The following TNFRSF8 variants were observed in gnomAD, a reference collection of about 807,000 sequenced individuals.
TNFRSF8 encodes the protein tumor necrosis factor receptor superfamily member 8.
In TNFRSF8, 26 loss-of-function variants were observed where a neutral mutation model predicts 70.8. The observed-to-expected ratio is 0.37, with a 90% confidence interval of 0.27 to 0.51. The LOEUF is 0.51. TNFRSF8 is among the 20% of genes least tolerant of loss of function. TNFRSF8 has a pLI of 0.94. For missense variants in TNFRSF8, 720 were observed against 807.9 expected (o/e 0.89, Z 1.32); for synonymous variants, 356 against 339.2 (o/e 1.05, Z -0.54).
At chr1:12,094,058 CAA>C (rs778868213) in intron 2 of TNFRSF8, among the ~76,000 whole-genome samples, 1,352 of 84,642 alleles carry the variant, frequency 0.016, 16 homozygotes, top group African/African-American at 0.057. Context: ...GACTTTGTCT[CAA>C]AAAAAAAAAA....
Position 12,104,547 on chromosome 1 carries a change from C to T in TNFRSF8, c.421+16C>T. On this transcript the variant is annotated intron_variant, in intron 4 of 14. Coordinates refer to ENST00000263932, the MANE Select transcript of TNFRSF8 (RefSeq NM_001243.5). Reference sequence around the variant, plus strand: ...AAGTTCCCAGGTCAGTGTCCCCACCCTTAACTCAGGACAGAGATCTATGCT... The same window carrying T: ...AAGTTCCCAGGTCAGTGTCCCCACCTTTAACTCAGGACAGAGATCTATGCT... 6.2e-7 allele frequency: 1 copy of T among 1,614,074 alleles called. No homozygotes were observed. Among genetic ancestry groups the T allele is most frequent in the Non-Finnish European group, 8.5e-7 (1 of 1,180,010 alleles).
intron 1 of TNFRSF8, among the ~76,000 whole-genome samples, chr1:12,069,735 G>T (rs996702980): frequency 1.3e-5 from 2 of 152,208 alleles, no homozygotes; most frequent in African/African-American, 4.8e-5. Flanking sequence ...TCCATGCACC[G>T]CATAGCAGGG....
chr1:12,126,194 T>G lies in TNFRSF8; in HGVS notation c.1267T>G (p.Cys423Gly). The change falls in exon 12 of 15, where the codon TGC (cysteine) becomes GGC (glycine). Residue 423 changes from cysteine (C) to glycine (G), a missense_variant. By Grantham distance (159) the Cys-to-Gly change is radical. Transcript: ENST00000263932. ...TGGTGTCGTTTCAGAGCTCCACCTG[T>G]GCTACCCGGTCCAGACCTCCCAGCC... is the stretch of plus-strand genomic sequence containing the variant. ...RKRIRQKLHL[C>G]YPVQTSQPKL... The G allele has an allele frequency of 6.2e-7, 1 of 1,614,108 alleles. No homozygotes were observed. The highest frequency in any genetic ancestry group is 2.2e-5 in the East Asian group (1 of 44,864).
Position 12,138,776 on chromosome 1 carries a change from C to T in TNFRSF8, c.1543+340C>T, listed in dbSNP as rs973469607. Among the ~76,000 whole-genome samples the T allele has an allele frequency of 3.3e-4, 50 of 152,198 alleles. No individual in the cohort carries two copies. Among genetic ancestry groups the T allele is most frequent in the Non-Finnish European group, 5.6e-4 (38 of 68,032 alleles). On this transcript the variant is annotated intron_variant, in intron 14 of 14. Transcript: ENST00000263932. The surrounding 1 kb of genome is among the most constrained non-coding windows in gnomAD (Gnocchi z 5.7). ...GACCTGCCACTTGTCTGGCGCATTC[C>T]GGGCACTGTGTAGGTGCCATCTCTT...
chr1:12,102,234 C>T (rs536278238), intron 3 of TNFRSF8, among the ~76,000 whole-genome samples: 3 of 152,152 alleles, frequency 2.0e-5, no homozygotes, highest in Non-Finnish European at 2.9e-5. Context: ...CTGAAACCCA[C>T]CTCTGAGGGC....
At chr1:12,101,515 A>G (rs1168119472) in intron 3 of TNFRSF8, among the ~76,000 whole-genome samples, 1 of 152,224 alleles carries the variant, frequency 6.6e-6, no homozygotes, top group Non-Finnish European at 1.5e-5. Context: ...ATTACATACT[A>G]TCCATAATTG....
rs1001086607 is a variant in TNFRSF8 at position 12,088,413 on chromosome 1, A to G, written c.151+3862A>G. On this transcript the variant is annotated intron_variant, in intron 2 of 14. Transcript: ENST00000263932. The surrounding 1 kb of genome is among the most constrained non-coding windows in gnomAD (Gnocchi z 4.0). ...GGAATTTGCACAAGGCCACATGCGT[A>G]TCAGTGGCTCAGCCGGGCCGTGAAC... Among the ~76,000 whole-genome samples the G allele has an allele frequency of 1.3e-5, 2 of 152,116 alleles. No individual in the cohort carries two copies. The highest frequency in any genetic ancestry group is 6.5e-5 in the Admixed American group (1 of 15,272).
At chr1:12,127,308 A>G (rs556182394) in intron 12 of TNFRSF8, among the ~76,000 whole-genome samples, 2 of 152,356 alleles carry the variant, frequency 1.3e-5, no homozygotes, top group South Asian at 4.1e-4. Flanking sequence ...GTACTCCCCC[A>G]GTGATGACCT....
At chr1:12,095,694 G>T (rs772883310) in intron 2 of TNFRSF8, among the ~76,000 whole-genome samples, 1 of 152,192 alleles carries the variant, frequency 6.6e-6, no homozygotes, top group East Asian at 1.9e-4. Flanking sequence ...ATTCTGTGCA[G>T]TGTCCACAGG....
chr1:12,071,724 C>T lies in TNFRSF8; in HGVS notation c.63+8063C>T, dbSNP rs570301356. Among the ~76,000 whole-genome samples, 9 of 152,208 alleles carry T rather than the reference C, an allele frequency of 5.9e-5. No individual in the cohort carries two copies. The South Asian group carries it at 1.0e-3, about 18-fold the overall frequency. On this transcript the variant is annotated intron_variant, in intron 1 of 14. Transcript: ENST00000263932. Reference sequence around the variant, plus strand: ...GACCACAAGCACCCGCCACCACGCCCGGCTAATTTTTGTATTTTTAGTACA... The same window carrying T: ...GACCACAAGCACCCGCCACCACGCCTGGCTAATTTTTGTATTTTTAGTACA...
intron 1 of TNFRSF8, among the ~76,000 whole-genome samples, chr1:12,083,181 G>A (rs1240329247): frequency 6.6e-6 from 1 of 152,242 alleles, no homozygotes; most frequent in African/African-American, 2.4e-5. Context: ...AGGATGTGGA[G>A]CAATTGGAAT....
chr1:12,081,578 T>C (rs1330956834), intron 1 of TNFRSF8, among the ~76,000 whole-genome samples: 1 of 151,802 alleles, frequency 6.6e-6, no homozygotes, highest in African/African-American at 2.4e-5. Context: ...GGGAGACAAC[T>C]CAAGCGCCAT....
chr1:12,134,037 C>G (rs554804378), intron 12 of TNFRSF8, among the ~76,000 whole-genome samples: 12 of 152,180 alleles, frequency 7.9e-5, no homozygotes, highest in African/African-American at 2.9e-4. Flanking sequence ...GAGACTCTGT[C>G]TCAAAAAAAG....
At position 12,144,132 on chromosome 1, in the gene TNFRSF8, T is replaced by C. The variant is rs188581929; in HGVS notation, c.*1601T>C. 2 of 152,368 alleles carry C rather than the reference T, an allele frequency of 1.3e-5. No homozygotes were observed. Among genetic ancestry groups the C allele is most frequent in the Admixed American group, 1.3e-4 (2 of 15,314 alleles). 9.4% of individuals were successfully genotyped at this position (152,368 alleles called of 1,614,324 possible). On this transcript the variant is annotated 3_prime_UTR_variant, in exon 15 of 15. Transcript: ENST00000263932. Reference sequence around the variant, plus strand: ...GGATTGACATGTTTCAACAAAATAATGCACTTCCTTACCTAGTGGCCCTTC... The same window carrying C: ...GGATTGACATGTTTCAACAAAATAACGCACTTCCTTACCTAGTGGCCCTTC...
In TNFRSF8 at chr1:12,108,096, T is replaced by TTTTTTTTTTTTTTTTG; in HGVS notation, c.422-1470_422-1469insTTTTTTTTTTTTTTTG. 6.6e-6 allele frequency among the ~76,000 whole-genome samples: 1 copy of TTTTTTTTTTTTTTTTG among 151,610 alleles called. No homozygotes were observed. Among genetic ancestry groups the TTTTTTTTTTTTTTTTG allele is most frequent in the South Asian group, 2.1e-4 (1 of 4,782 alleles). On this transcript the variant is annotated intron_variant, in intron 4 of 14. Transcript: ENST00000263932. This position sits in a 1 kb window ranked among gnomAD's most constrained non-coding sequence, Gnocchi z 4.0. The stretch of plus-strand genomic sequence containing the variant: ...ACCATTTTTTTATTTTTTTTTTTTT[T>TTTTTTTTTTTTTTTTG]GTGATGGAGCCTCGATCTGTCACCC...
chr1:12,134,104 C>G (rs1405128975), intron 12 of TNFRSF8, among the ~76,000 whole-genome samples: 2 of 152,184 alleles, frequency 1.3e-5, no homozygotes, highest in Non-Finnish European at 2.9e-5. Flanking sequence ...ACAGCGTGTT[C>G]AAATGGTCAG....
At chr1:12,128,819 A>G (rs1052637152) in intron 12 of TNFRSF8, among the ~76,000 whole-genome samples, 1 of 142,410 alleles carries the variant, frequency 7.0e-6, no homozygotes, top group Admixed American at 7.4e-5. Context: ...GTTGAGAACC[A>G]CTGGTCTAAA....
intron 13 of TNFRSF8, among the ~76,000 whole-genome samples, chr1:12,137,548 G>GTTT (rs553381567): frequency 1.5e-5 from 2 of 131,478 alleles, no homozygotes; most frequent in African/African-American, 5.8e-5. Flanking sequence ...CTGTTTTTTT[G>GTTT]TTTTTTTTTG....
chr1:12,087,177 T>G (rs1641170203), intron 2 of TNFRSF8, among the ~76,000 whole-genome samples: 1 of 147,660 alleles, frequency 6.8e-6, no homozygotes, highest in African/African-American at 2.5e-5. Flanking sequence ...TTTTTTTTTT[T>G]TTTTTTTTGA....
Sources: gnomAD v4.1 joint callset for allele counts (sites outside exome capture counted in the v4.1 genomes callset) on GRCh38, gnomAD v4.1.1 for gene constraint, Gnocchi (gnomAD v3.1) non-coding constraint, MANE v1.5 for transcripts, NCBI Gene and HGNC (gene_info 2026-07-23, HGNC 2026-07-21) for gene names.